The following SERPINB10 variants were observed in gnomAD, a reference collection of about 807,000 sequenced individuals.
SERPINB10 encodes the protein serpin family B member 10, also known as serpin B10.
A neutral mutation model predicts 39.1 loss-of-function variants in SERPINB10; 35 were observed. That is an observed-to-expected ratio of 0.90 (90% CI 0.68 to 1.19). The LOEUF (loss-of-function observed/expected upper bound fraction) is 1.19, where lower values mean the gene tolerates loss of function less well. SERPINB10 is among the 50% of genes most tolerant of loss of function. The pLI, the probability that SERPINB10 is intolerant of heterozygous loss-of-function variation, is 0.00. For missense variants in SERPINB10, 546 were observed against 460.5 expected (o/e 1.19, Z -1.70); for synonymous variants, 190 against 158.1 (o/e 1.20, Z -1.52).
At chr18:63,934,189 C>T (rs750353228) in intron 7 of SERPINB10, among the ~76,000 whole-genome samples, 16 of 152,126 alleles carry the variant, frequency 1.1e-4, no homozygotes, top group Non-Finnish European at 1.8e-4. Flanking sequence ...CAAACATACA[C>T]ATATATACAT....
intron 5 of SERPINB10, among the ~76,000 whole-genome samples, chr18:63,924,871 A>G (rs2050169870): frequency 6.6e-6 from 1 of 151,990 alleles, no homozygotes; most frequent in African/African-American, 2.4e-5. Flanking sequence ...TCTTTTAAAC[A>G]AACATATGGT....
chr18:63,909,118 T>C (rs1023112316), intron 1 of SERPINB10, among the ~76,000 whole-genome samples: 1 of 152,038 alleles, frequency 6.6e-6, no homozygotes, highest in Non-Finnish European at 1.5e-5. Context: ...ATGTCTATGA[T>C]GAGACATTTT....
At chr18:63,924,744 T>G (rs1315929975) in intron 5 of SERPINB10, among the ~76,000 whole-genome samples, 3 of 151,970 alleles carry the variant, frequency 2.0e-5, no homozygotes, top group African/African-American at 7.2e-5. Context: ...GCCTTTTGTG[T>G]GTGTATGCTG....
chr18:63,932,932 C>A, intron 6 of SERPINB10, 116 bp from the exon 7 acceptor site: 1 of 907,820 alleles, frequency 1.1e-6, no homozygotes, highest in Non-Finnish European at 1.7e-6. Flanking sequence ...CAGCATTTAG[C>A]AGAGAATCAG....
chr18:63,929,929 A>G (rs969504873), intron 5 of SERPINB10, 116 bp from the exon 6 acceptor site: 1 of 1,059,324 alleles, frequency 9.4e-7, no homozygotes, highest in Non-Finnish European at 1.4e-6. Context: ...AAAATCAAAA[A>G]CCAGGACTTT....
At chr18:63,911,844 T>A (rs1245535346) in intron 1 of SERPINB10, among the ~76,000 whole-genome samples, 1 of 152,138 alleles carries the variant, frequency 6.6e-6, no homozygotes, top group East Asian at 1.9e-4. Context: ...GAAATAGCAT[T>A]CCATCCGAGG....
rs778708295 is a variant in SERPINB10 at position 63,933,055 on chromosome 18, G to A, written c.641G>A (p.Ser214Asn). ...EKPFRINETTSKPVQMMFMKK... is the reference protein window; with the variant it reads ...EKPFRINETTNKPVQMMFMKK... Reference sequence around the variant, plus strand: ...TTTTTTTGTTTTTTTTAGACTACAAGCAAACCAGTGCAAATGATGTTTATG... The same window carrying A: ...TTTTTTTGTTTTTTTTAGACTACAAACAAACCAGTGCAAATGATGTTTATG... Residue 214 changes from serine to asparagine, a missense_variant, in exon 7 of 8, where the codon AGC becomes AAC. Ser to Asn is a conservative substitution (Grantham distance 46, BLOSUM62 1). Transcript: ENST00000238508. The A allele has an allele frequency of 9.4e-5, 151 of 1,612,752 alleles. No homozygotes were observed. Among genetic ancestry groups the A allele is most frequent in the South Asian group, 3.4e-4 (31 of 90,966 alleles).
At chr18:63,931,643 C>T (rs2050222943) in intron 6 of SERPINB10, among the ~76,000 whole-genome samples, 1 of 152,082 alleles carries the variant, frequency 6.6e-6, no homozygotes, top group African/African-American at 2.4e-5. Context: ...AAAAATTGTG[C>T]ACGAAGTATA....
rs944535295 is a variant in SERPINB10 at position 63,929,925 on chromosome 18, A to G, written c.491-120A>G. 1.1e-5 allele frequency: 11 copies of G among 1,032,616 alleles called. No homozygotes were observed. In the Admixed American group the frequency reaches 1.1e-4, roughly 10 times the overall value. 64.0% of individuals were successfully genotyped at this position (1,032,616 alleles called of 1,614,324 possible). The stretch of plus-strand genomic sequence containing the variant: ...AGTACTTGTCCATTTCCAGAAAATC[A>G]AAAACCAGGACTTTTAAAGAAAACT... On this transcript the variant is annotated intron_variant, in intron 5 of 7. Coordinates refer to ENST00000238508, the MANE Select transcript of SERPINB10 (RefSeq NM_005024.3).
intron 7 of SERPINB10, 86 bp from the exon 8 acceptor site, chr18:63,934,752 G>A (rs2050248836): frequency 1.5e-6 from 2 of 1,364,988 alleles, no homozygotes; most frequent in Non-Finnish European, 2.0e-6. Context: ...ATTCACCTAT[G>A]TAATTCCTAG....
chr18:63,934,256 T>A (rs780289370), intron 7 of SERPINB10, among the ~76,000 whole-genome samples: 8 of 152,214 alleles, frequency 5.3e-5, no homozygotes, highest in African/African-American at 1.9e-4. Context: ...CACATATTTA[T>A]CATTTTAAAA....
chr18:63,931,378 C>A (rs1301354080), intron 6 of SERPINB10, among the ~76,000 whole-genome samples: 1 of 152,142 alleles, frequency 6.6e-6, no homozygotes, highest in Non-Finnish European at 1.5e-5. Context: ...TCTAGGAGGG[C>A]TCTGGTTGGG....
Position 63,926,579 on chromosome 18 carries a change from C to T in SERPINB10, c.491-3466C>T, listed in dbSNP as rs374264050. 4.6e-5 allele frequency among the ~76,000 whole-genome samples: 7 copies of T among 152,000 alleles called. No individual in the cohort carries two copies. The South Asian group carries it at 8.3e-4, about 18-fold the overall frequency. ...TATCTTGATTAAACATCAGACAAACCTAAACTGGGAATTCAGGAGAATTCT... is the reference window on the plus strand; with the variant it reads ...TATCTTGATTAAACATCAGACAAACTTAAACTGGGAATTCAGGAGAATTCT... On this transcript the variant is annotated intron_variant, in intron 5 of 7. Transcript: ENST00000238508.
Position 63,934,865 on chromosome 18 carries a change from C to T in SERPINB10, c.817C>T (p.Leu273=). 1 of 1,609,870 alleles carries T rather than the reference C, an allele frequency of 6.2e-7. No homozygotes were observed. The highest frequency in any genetic ancestry group is 1.1e-5 in the South Asian group (1 of 89,976). Residue 273 remains leucine, a synonymous_variant, in exon 8 of 8, where the codon CTG becomes TTG. Transcript: ENST00000238508. ...QLEKAITYEK[L]NEWTSADMME... is the part of the protein sequence containing the mutation. ...GGAAAAGGCCATCACCTATGAGAAGCTGAATGAGTGGACCAGTGCAGACAT... is the reference window on the plus strand; with the variant it reads ...GGAAAAGGCCATCACCTATGAGAAGTTGAATGAGTGGACCAGTGCAGACAT...
intron 4 of SERPINB10, 110 bp downstream of exon 4, chr18:63,918,212 C>A: frequency 1.8e-6 from 2 of 1,106,246 alleles, no homozygotes; most frequent in Non-Finnish European, 1.3e-6. Context: ...TTCATGTGGT[C>A]AGTACTTCCC....
At chr18:63,921,913 C>T (rs910823694) in intron 5 of SERPINB10, among the ~76,000 whole-genome samples, 8 of 151,914 alleles carry the variant, frequency 5.3e-5, no homozygotes, top group African/African-American at 7.2e-5. Context: ...AAATACCGTT[C>T]CCTGCCCTGC....
chr18:63,928,474 T>G (rs964912017), intron 5 of SERPINB10, among the ~76,000 whole-genome samples: 1 of 152,090 alleles, frequency 6.6e-6, no homozygotes, highest in Admixed American at 6.6e-5. Context: ...TAGAAGCAAT[T>G]GCACACAGCA....
intron 7 of SERPINB10, among the ~76,000 whole-genome samples, 186 bp downstream of exon 7, chr18:63,933,389 C>A (rs1016328133): frequency 2.0e-5 from 3 of 152,186 alleles, no homozygotes; most frequent in African/African-American, 7.2e-5. Context: ...ATTATTTAAA[C>A]TTTACAACAC....
chr18:63,931,648 A>C (rs2050223034), intron 6 of SERPINB10, among the ~76,000 whole-genome samples: 1 of 152,194 alleles, frequency 6.6e-6, no homozygotes, highest in South Asian at 2.1e-4. Context: ...TTGTGCACGA[A>C]GTATAGGGCT....
Sources: allele counts gnomAD v4.1 joint callset (sites outside exome capture counted in the v4.1 genomes callset), GRCh38; gene constraint gnomAD v4.1.1; transcripts MANE v1.5; gene names NCBI Gene and HGNC (gene_info 2026-07-23, HGNC 2026-07-21).